GPATCH8: variants seen among roughly 807,000 people sequenced by gnomAD.
GPATCH8 encodes G patch domain-containing protein 8.
Under a neutral mutation model 118.3 loss-of-function variants are expected in GPATCH8, and 18 were observed. The ratio of observed to expected loss-of-function variants is 0.15; its 90% CI spans 0.11 to 0.23. The LOEUF (loss-of-function observed/expected upper bound fraction) is 0.23. Ranked by LOEUF, GPATCH8 falls within the 10% of genes least tolerant of loss-of-function variation. GPATCH8 has a pLI of 1.00. For synonymous variants in GPATCH8, 659 were observed against 684.7 expected, an observed-to-expected ratio of 0.96 and a Z score of 0.59; for missense variants, 1,631 against 1,873.8, an observed-to-expected ratio of 0.87 and a Z score of 2.39.
rs186152570 is a variant in GPATCH8 at position 44,499,039 on chromosome 17, A to G, written c.45+4287T>C. On this transcript the variant is annotated intron_variant, in intron 1 of 7. Coordinates refer to ENST00000591680, the MANE Select transcript of GPATCH8 (RefSeq NM_001002909.4). ...TAGCTTATTGCTATTTACCATTATG[A>G]TTACTTACATAGATTACAGAAAGTT... is the stretch of plus-strand genomic sequence containing the variant. Among the ~76,000 whole-genome samples the G allele has an allele frequency of 1.6e-3, 238 of 152,326 alleles. 1 individual carries two copies. The highest frequency in any genetic ancestry group is 2.4e-3 in the Non-Finnish European group (164 of 68,012).
chr17:44,462,638 C>T (rs1240121351), intron 3 of GPATCH8, among the ~76,000 whole-genome samples: 2 of 152,050 alleles, frequency 1.3e-5, no homozygotes, highest in African/African-American at 4.8e-5. Context: ...CATGTGTCAC[C>T]AGTCAATAGA....
At chr17:44,431,758 C>CT (rs1478802081) in intron 5 of GPATCH8, among the ~76,000 whole-genome samples, 4 of 151,666 alleles carry the variant, frequency 2.6e-5, no homozygotes, top group African/African-American at 9.7e-5. Flanking sequence ...TAGTGAGACC[C>CT]TATCTCTTAA....
At chr17:44,462,985 TATAAATAAATAAATAAATAA>T (rs57126645) in intron 3 of GPATCH8, among the ~76,000 whole-genome samples, 9 of 149,528 alleles carry the variant, frequency 6.0e-5, no homozygotes, top group Non-Finnish European at 8.9e-5. Flanking sequence ...CACTTCAAAA[TATAAATAAATAAATAAATAA>T]ATAAATAAAT....
At chr17:44,483,726 C>A (rs934609067) in intron 1 of GPATCH8, among the ~76,000 whole-genome samples, 18 of 152,152 alleles carry the variant, frequency 1.2e-4, no homozygotes, top group African/African-American at 3.6e-4. Flanking sequence ...ACTGCAACCT[C>A]TGCCCCCTGG....
chr17:44,406,634 G>A (rs1342639367), intron 6 of GPATCH8, among the ~76,000 whole-genome samples: 3 of 151,892 alleles, frequency 2.0e-5, no homozygotes, highest in African/African-American at 4.8e-5. Flanking sequence ...GTCTTCCAGC[G>A]CTAGCATGTT....
At chr17:44,447,266 T>C (rs1422207129) in intron 3 of GPATCH8, among the ~76,000 whole-genome samples, 1 of 152,054 alleles carries the variant, frequency 6.6e-6, no homozygotes, top group African/African-American at 2.4e-5. Flanking sequence ...GCAATTCTCC[T>C]GCCTCAGTCA....
At chr17:44,475,962 G>A (rs1373231389) in intron 1 of GPATCH8, among the ~76,000 whole-genome samples, 3 of 152,100 alleles carry the variant, frequency 2.0e-5, no homozygotes, top group East Asian at 1.9e-4. Context: ...CAAGGAGGTC[G>A]AAGCTGCAGT....
At position 44,398,957 on chromosome 17, in the gene GPATCH8, T is replaced by C. The variant is rs1423088774; in HGVS notation, c.3120A>G (p.Arg1040=). 1.9e-6 allele frequency: 3 copies of C among 1,614,004 alleles called. No individual in the cohort carries two copies. The highest frequency in any genetic ancestry group is 2.5e-6 in the Non-Finnish European group (3 of 1,180,020). The part of the protein sequence containing the change: ...IYRSQSPHYF[R]SGRGEGPGKK... ...TCCCAGGACCTTCTCCCCGGCCTGA[T>C]CGGAAATAGTGGGGGGACTGGGAGC... The change falls in exon 8 of 8, where the codon CGA becomes CGG. Residue 1040 remains arginine (R), a synonymous_variant. Transcript: ENST00000591680.
chr17:44,397,253 G>A lies in GPATCH8; in HGVS notation c.*315C>T, dbSNP rs746862751. The A allele has an allele frequency of 5.6e-6, 3 of 539,322 alleles. No homozygotes were observed. The highest frequency in any genetic ancestry group is 4.6e-5 in the South Asian group (3 of 65,220). 33.4% of individuals were successfully genotyped at this position (539,322 alleles called of 1,614,324 possible). A position where few individuals can be genotyped will look rare whatever the true frequency, so the allele number is the denominator to read the frequency against. On this transcript the variant is annotated 3_prime_UTR_variant, in exon 8 of 8. Transcript: ENST00000591680. ...AGAGCAGAGGAAAAAAGCAGAGGGA[G>A]GAGGGGATTATCTAAACTTGACAGT... is the stretch of plus-strand genomic sequence containing the variant.
At chr17:44,408,079 T>C in intron 6 of GPATCH8, among the ~76,000 whole-genome samples, 1 of 152,208 alleles carries the variant, frequency 6.6e-6, no homozygotes, top group Non-Finnish European at 1.5e-5. Context: ...TCAGGCCTAT[T>C]ATATGATTAC....
intron 3 of GPATCH8, among the ~76,000 whole-genome samples, chr17:44,448,369 G>A (rs181897865): frequency 5.9e-5 from 9 of 151,488 alleles, no homozygotes; most frequent in African/African-American, 2.2e-4. Flanking sequence ...ACCAATCTAG[G>A]CAACATAGGG....
At chr17:44,446,164 G>A (rs994908380) in intron 3 of GPATCH8, among the ~76,000 whole-genome samples, 9 of 151,856 alleles carry the variant, frequency 5.9e-5, no homozygotes, top group African/African-American at 2.2e-4. Context: ...TGCCCAGGCT[G>A]GTTTCAAACT....
At chr17:44,455,804 T>C (rs1214207650) in intron 3 of GPATCH8, among the ~76,000 whole-genome samples, 9 of 152,132 alleles carry the variant, frequency 5.9e-5, no homozygotes, top group Non-Finnish European at 8.8e-5. Context: ...CTGGAGTGCA[T>C]TGGCATGAAC....
rs141691646 is a variant in GPATCH8 at position 44,419,671 on chromosome 17, T to A, written c.492+4678A>T. ...CCACATCAGGGTAATTTTTTTTTTT[T>A]TTTTAGAGAGACAGAGTCTTGCTCT... On this transcript the variant is annotated intron_variant, in intron 6 of 7. Transcript: ENST00000591680. Among the ~76,000 whole-genome samples, 377 of 152,062 alleles carry A rather than the reference T, an allele frequency of 2.5e-3. 4 individuals carry two copies. Among genetic ancestry groups the A allele is most frequent in the African/African-American group, 8.4e-3 (349 of 41,478 alleles).
At chr17:44,502,630 T>C (rs1970168597) in intron 1 of GPATCH8, among the ~76,000 whole-genome samples, 1 of 152,186 alleles carries the variant, frequency 6.6e-6, no homozygotes, top group South Asian at 2.1e-4. Flanking sequence ...GGACGGCCTA[T>C]TATCATCACG....
At chr17:44,411,193 C>T (rs1168504840) in intron 6 of GPATCH8, among the ~76,000 whole-genome samples, 1 of 152,192 alleles carries the variant, frequency 6.6e-6, no homozygotes, top group Non-Finnish European at 1.5e-5. Context: ...TGCAGATCAT[C>T]TGTAAAATGG....
chr17:44,427,158 A>T (rs9903906), intron 5 of GPATCH8, among the ~76,000 whole-genome samples: 91,352 of 151,228 alleles, frequency 0.6, 27,802 homozygotes, highest in Middle Eastern at 0.67. Context: ...TCACTGTAGC[A>T]TCGACCTCCT....
chr17:44,469,611 T>C (rs1350196098), intron 2 of GPATCH8, among the ~76,000 whole-genome samples: 1 of 152,204 alleles, frequency 6.6e-6, no homozygotes, highest in Non-Finnish European at 1.5e-5. Flanking sequence ...TTTTCAACAG[T>C]GACAAAATAG....
At chr17:44,446,321 C>T (rs2050879085) in intron 3 of GPATCH8, among the ~76,000 whole-genome samples, 1 of 152,092 alleles carries the variant, frequency 6.6e-6, no homozygotes, top group Admixed American at 6.6e-5. Flanking sequence ...AATCCCAGCA[C>T]TTTGGGAGGC....
Sources: gnomAD v4.1 joint callset for allele counts (sites outside exome capture counted in the v4.1 genomes callset) on GRCh38, gnomAD v4.1.1 for gene constraint, MANE v1.5 for transcripts, NCBI Gene and HGNC (gene_info 2026-07-23, HGNC 2026-07-21) for gene names.